SBF2: variants seen among roughly 807,000 people sequenced by gnomAD.
SBF2 encodes the protein myotubularin-related protein 13.
SBF2 carries 112 observed loss-of-function variants against 225.2 expected under a neutral mutation model. That is an observed-to-expected ratio of 0.50 (90% CI 0.43 to 0.58). SBF2 has a LOEUF of 0.58. Ranked by LOEUF, SBF2 falls within the 20% of genes least tolerant of loss-of-function variation. SBF2 has a pLI of 0.00. For synonymous variants in SBF2, 763 were observed against 773.3 expected (o/e 0.99, Z 0.22); for missense variants, 1,996 against 2,206.2 (o/e 0.90, Z 1.91).
chr11:10,034,513 T>G (rs1949366907), intron 3 of SBF2, among the ~76,000 whole-genome samples: 1 of 152,250 alleles, frequency 6.6e-6, no homozygotes, highest in South Asian at 2.1e-4. Context: ...TGTATCTTGA[T>G]GCTTAATTTT....
At chr11:10,033,805 T>C (rs1949345417) in intron 3 of SBF2, among the ~76,000 whole-genome samples, 1 of 152,152 alleles carries the variant, frequency 6.6e-6, no homozygotes, top group Non-Finnish European at 1.5e-5. Flanking sequence ...ATACTCCCTC[T>C]TCTATATAGC....
chr11:9,899,825 CAG>C (rs1254191693), intron 16 of SBF2, among the ~76,000 whole-genome samples: 1 of 151,986 alleles, frequency 6.6e-6, no homozygotes, highest in East Asian at 1.9e-4. Context: ...ATGATATCAT[CAG>C]ATATAACATA....
chr11:10,014,156 A>C (rs994980155), intron 6 of SBF2, among the ~76,000 whole-genome samples: 2 of 152,122 alleles, frequency 1.3e-5, no homozygotes, highest in African/African-American at 4.8e-5. Flanking sequence ...TCAAAGACCA[A>C]AATTTTAGGT....
intron 1 of SBF2, among the ~76,000 whole-genome samples, chr11:10,243,663 C>T (rs1466385132): frequency 1.3e-5 from 2 of 151,988 alleles, no homozygotes; most frequent in South Asian, 2.1e-4. Flanking sequence ...TCATAAAAGA[C>T]GATTGTGTAC....
intron 14 of SBF2, among the ~76,000 whole-genome samples, chr11:9,964,474 T>G (rs367859159): frequency 6.6e-6 from 1 of 152,146 alleles, no homozygotes; most frequent in African/African-American, 2.4e-5. Context: ...AAGGCAAACA[T>G]CTATTTTAAA....
intron 6 of SBF2, among the ~76,000 whole-genome samples, chr11:10,025,202 A>G (rs959505083): frequency 2.0e-5 from 3 of 152,194 alleles, no homozygotes; most frequent in Non-Finnish European, 4.4e-5. Context: ...CAGAGAGGAT[A>G]TACTTTTACT....
chr11:10,174,680 G>A (rs553690466), intron 2 of SBF2, among the ~76,000 whole-genome samples: 2 of 152,114 alleles, frequency 1.3e-5, no homozygotes, highest in Non-Finnish European at 2.9e-5. Flanking sequence ...GATACTCCTC[G>A]AGAAGAGCAA....
At chr11:9,936,342 T>G (rs1039067455) in intron 16 of SBF2, among the ~76,000 whole-genome samples, 1 of 152,196 alleles carries the variant, frequency 6.6e-6, no homozygotes, top group Non-Finnish European at 1.5e-5. Context: ...GGAATGCTTT[T>G]ACACTGTTGG....
At chr11:10,243,123 T>C (rs909431787) in intron 1 of SBF2, among the ~76,000 whole-genome samples, 2 of 152,064 alleles carry the variant, frequency 1.3e-5, no homozygotes, top group Non-Finnish European at 2.9e-5. Context: ...TTTGAAATAA[T>C]TCCAAGTATC....
chr11:10,066,557 A>C (rs1384608364), intron 2 of SBF2, among the ~76,000 whole-genome samples: 1 of 152,176 alleles, frequency 6.6e-6, no homozygotes, highest in Non-Finnish European at 1.5e-5. Context: ...AACGCATTTG[A>C]CAAAAGTGAG....
chr11:9,795,212 A>G (rs933621873), intron 33 of SBF2, among the ~76,000 whole-genome samples: 18 of 152,230 alleles, frequency 1.2e-4, no homozygotes, highest in African/African-American at 4.3e-4. Context: ...CATCACTATC[A>G]TTACTAATGC....
At position 9,785,283 on chromosome 11, in the gene SBF2, C is replaced by T. The variant is rs373722394; in HGVS notation, c.5073G>A (p.Val1691=). The T allele has an allele frequency of 6.2e-7, 1 of 1,614,200 alleles. No homozygotes were observed. ...TCTGATAGGAAGGTAGGTTGGTAGACACAATTCCTGGGGATCTCGACAGGT... is the reference window on the plus strand; with the variant it reads ...TCTGATAGGAAGGTAGGTTGGTAGATACAATTCCTGGGGATCTCGACAGGT... The part of the protein sequence containing the change: ...QRHLSRSPGI[V]STNLPSYQKR... The change falls in exon 37 of 40, where the codon GTG becomes GTA. Residue 1691 remains valine, a synonymous_variant. Coordinates refer to ENST00000256190, the MANE Select transcript of SBF2 (RefSeq NM_030962.4).
chr11:10,217,472 A>T (rs1197895958), intron 1 of SBF2, among the ~76,000 whole-genome samples: 1 of 152,250 alleles, frequency 6.6e-6, no homozygotes, highest in Non-Finnish European at 1.5e-5. Flanking sequence ...GCTATATAAC[A>T]TGGTAGAAAA....
chr11:10,284,738 G>C (rs1368843397), intron 1 of SBF2, among the ~76,000 whole-genome samples: 1 of 151,856 alleles, frequency 6.6e-6, no homozygotes, highest in African/African-American at 2.4e-5. Context: ...AACCTCCCAA[G>C]CAGCTGGGAC....
intron 13 of SBF2, among the ~76,000 whole-genome samples, chr11:9,988,711 T>C (rs542774974): frequency 4.6e-5 from 7 of 152,320 alleles, no homozygotes; most frequent in Admixed American, 1.3e-4. Flanking sequence ...CGATACCATC[T>C]TACTTCTGCA....
chr11:10,072,496 G>T (rs561091780), intron 2 of SBF2, among the ~76,000 whole-genome samples: 172 of 151,266 alleles, frequency 1.1e-3, no homozygotes, highest in African/African-American at 4.0e-3. Context: ...AATTAAAATT[G>T]ACAAATAGTA....
intron 2 of SBF2, among the ~76,000 whole-genome samples, chr11:10,060,346 T>C (rs1950391182): frequency 6.6e-6 from 1 of 152,196 alleles, no homozygotes; most frequent in Non-Finnish European, 1.5e-5. Context: ...ACTGAATCTC[T>C]GAACAGACTA....
At chr11:9,960,859 T>A (rs1417097722) in intron 16 of SBF2, 1 of 152,110 alleles carries the variant, frequency 6.6e-6, no homozygotes, top group Non-Finnish European at 1.5e-5. Context: ...GAGATGGGGT[T>A]TCACCATGCT....
At position 10,161,813 on chromosome 11, in the gene SBF2, A is replaced by T. The variant is rs539480270; in HGVS notation, c.141+32089T>A. On this transcript the variant is annotated intron_variant, in intron 2 of 39. Transcript: ENST00000256190. ...AGACCTCCTTCTCTACAAAAAAAAAAAATAATAATTAAAAAATAAGGATTA... is the reference window on the plus strand; with the variant it reads ...AGACCTCCTTCTCTACAAAAAAAAATAATAATAATTAAAAAATAAGGATTA... Among the ~76,000 whole-genome samples, 127 of 151,842 alleles carry T rather than the reference A, an allele frequency of 8.4e-4. 3 individuals carry two copies. Among genetic ancestry groups the T allele is most frequent in the African/African-American group, 2.3e-3 (95 of 41,480 alleles).
Sources: gnomAD v4.1 joint callset for allele counts (sites outside exome capture counted in the v4.1 genomes callset) on GRCh38, gnomAD v4.1.1 for gene constraint, MANE v1.5 for transcripts, NCBI Gene and HGNC (gene_info 2026-07-23, HGNC 2026-07-21) for gene names.